The following CDC14B variants were observed in gnomAD, a reference collection of about 807,000 sequenced individuals.
CDC14B encodes the protein cell division cycle 14B, also known as dual specificity protein phosphatase CDC14B.
CDC14B carries 22 observed loss-of-function variants against 64.2 expected under a neutral mutation model. That is an observed-to-expected ratio of 0.34 (90% CI 0.24 to 0.49). The LOEUF is 0.49. Among genes scored for constraint, CDC14B ranks in the 20% least tolerant of loss-of-function variants. The pLI is 0.99. For synonymous variants in CDC14B, 191 were observed against 215.8 expected (o/e 0.89, Z 1.01); for missense variants, 498 against 629.9 (o/e 0.79, Z 2.24).
chr9:96,503,907 G>A, intron 13 of CDC14B, 118 bp from the exon 14 acceptor site: 1 of 736,924 alleles, frequency 1.4e-6, no homozygotes, highest in Non-Finnish European at 2.3e-6. Flanking sequence ...GTATACGCTT[G>A]CTGTAAGTTT....
downstream of CDC14B, among the ~76,000 whole-genome samples, chr9:96,499,910 C>T (rs1833414921): frequency 6.6e-6 from 1 of 152,216 alleles, no homozygotes; most frequent in Admixed American, 6.5e-5. Context: ...GAAACCAAGC[C>T]CGCCCACAGC....
At position 96,515,823 on chromosome 9, in the gene CDC14B, G is replaced by A. The variant is rs2131400139; in HGVS notation, c.1344-6034C>T. On this transcript the variant is annotated intron_variant, in intron 12 of 13. Transcript: ENST00000375241. The surrounding 1 kb of genome is among the most constrained non-coding windows in gnomAD (Gnocchi z 4.3). ...AAGGGGTGAAGGGGAAAGAACAGATGTTCAAATTGGGAAGCCAAAATAAAT... is the reference window on the plus strand; with the variant it reads ...AAGGGGTGAAGGGGAAAGAACAGATATTCAAATTGGGAAGCCAAAATAAAT... The A allele has an allele frequency of 5.2e-6, 8 of 1,539,414 alleles. No homozygotes were observed. Among genetic ancestry groups the A allele is most frequent in the Non-Finnish European group, 7.0e-6 (8 of 1,142,220 alleles).
intron 12 of CDC14B, chr9:96,514,270 A>G (rs1404411371): frequency 7.5e-6 from 2 of 265,356 alleles, no homozygotes; most frequent in Non-Finnish European, 1.2e-5. Context: ...CAACTGCTCC[A>G]CCCATTCAGA....
chr9:96,513,968 C>A (rs1388012532), intron 12 of CDC14B, among the ~76,000 whole-genome samples: 1 of 152,178 alleles, frequency 6.6e-6, no homozygotes, highest in Non-Finnish European at 1.5e-5. Flanking sequence ...GGAGTCACCA[C>A]CTTACAAATA....
intron 11 of CDC14B, among the ~76,000 whole-genome samples, chr9:96,522,931 TA>T (rs1180555146): frequency 6.6e-6 from 1 of 152,236 alleles, no homozygotes; most frequent in African/African-American, 2.4e-5. Flanking sequence ...TTTGATTTGT[TA>T]AAAGCTCTCT....
At chr9:96,601,326 G>A (rs778892286) in intron 1 of CDC14B, among the ~76,000 whole-genome samples, 2 of 151,762 alleles carry the variant, frequency 1.3e-5, no homozygotes, top group African/African-American at 4.8e-5. Flanking sequence ...GTGAAACTCC[G>A]TCTCTACTAA....
intron 1 of CDC14B, among the ~76,000 whole-genome samples, chr9:96,598,492 A>G (rs1227418569): frequency 2.0e-5 from 3 of 152,060 alleles, no homozygotes; most frequent in African/African-American, 7.2e-5. Flanking sequence ...GCCTGCCACT[A>G]CACCCAGCTA....
chr9:96,569,839 C>T (rs1305870897), intron 1 of CDC14B, among the ~76,000 whole-genome samples: 2 of 152,094 alleles, frequency 1.3e-5, no homozygotes, highest in East Asian at 1.9e-4. Flanking sequence ...TCCACCGCCT[C>T]GGCCTCCCAA....
chr9:96,517,142 C>CGA (rs1487637299), intron 12 of CDC14B, among the ~76,000 whole-genome samples: 1 of 149,460 alleles, frequency 6.7e-6, no homozygotes, highest in Non-Finnish European at 1.5e-5. Context: ...GAGTTCGAGA[C>CGA]CAGCCTGGCC....
chr9:96,587,132 C>T (rs1340853005), intron 1 of CDC14B, among the ~76,000 whole-genome samples: 12 of 152,072 alleles, frequency 7.9e-5, no homozygotes, highest in African/African-American at 2.7e-4. Context: ...GAGATTGCAC[C>T]ACTGCACTCT....
At chr9:96,498,082 G>A (rs1434667572), downstream of CDC14B, among the ~76,000 whole-genome samples, 3 of 152,190 alleles carry the variant, frequency 2.0e-5, no homozygotes, top group Non-Finnish European at 2.9e-5. Context: ...ACAGTAAGAC[G>A]TCAACCGGGA....
chr9:96,522,737 C>T (rs1836939190), intron 11 of CDC14B, 134 bp from the exon 12 acceptor site: 2 of 644,988 alleles, frequency 3.1e-6, no homozygotes, highest in Non-Finnish European at 5.5e-6. Context: ...CTTTCACAAT[C>T]AAGCTTCAGG....
chr9:96,596,466 A>G lies in CDC14B; in HGVS notation c.160+22753T>C, dbSNP rs577306598. 2.6e-3 allele frequency among the ~76,000 whole-genome samples: 399 copies of G among 152,216 alleles called. 2 individuals are homozygous for G. Among genetic ancestry groups the G allele is most frequent in the African/African-American group, 9.2e-3 (384 of 41,522 alleles). On this transcript the variant is annotated intron_variant, in intron 1 of 13. Coordinates refer to ENST00000375241, the MANE Select transcript of CDC14B (RefSeq NM_033331.4). ...ACTACAATTATGAGATGAAAAATAC[A>G]CTGGATAGGACTAATGGCAGATAAG...
At chr9:96,546,559 C>T (rs1840879498) in intron 5 of CDC14B, among the ~76,000 whole-genome samples, 1 of 151,898 alleles carries the variant, frequency 6.6e-6, no homozygotes, top group Non-Finnish European at 1.5e-5. Flanking sequence ...AAGTGATTCT[C>T]GTGCCTCAGC....
chr9:96,497,445 G>A (rs976295173), downstream of CDC14B, among the ~76,000 whole-genome samples: 1 of 152,238 alleles, frequency 6.6e-6, no homozygotes, highest in Non-Finnish European at 1.5e-5. Flanking sequence ...TAGGACGTAA[G>A]GGCAGGCTGC....
intron 1 of CDC14B, among the ~76,000 whole-genome samples, chr9:96,596,375 A>T (rs1300435446): frequency 6.6e-6 from 1 of 151,030 alleles, no homozygotes; most frequent in South Asian, 2.1e-4. Flanking sequence ...AAAAAAAAAA[A>T]AAAAACACAC....
intron 9 of CDC14B, among the ~76,000 whole-genome samples, chr9:96,525,494 G>C (rs1837419719): frequency 6.6e-6 from 1 of 151,536 alleles, no homozygotes; most frequent in South Asian, 2.1e-4. Context: ...TCACAGGGTA[G>C]GGCCACCTCT....
intron 1 of CDC14B, among the ~76,000 whole-genome samples, chr9:96,616,320 G>A (rs151022504): frequency 0.011 from 1,610 of 151,622 alleles, 25 homozygotes; most frequent in African/African-American, 0.036. Context: ...GCAAGACTCC[G>A]TCTCAAAAAA....
intron 1 of CDC14B, among the ~76,000 whole-genome samples, chr9:96,615,948 A>G (rs908881225): frequency 6.6e-6 from 1 of 152,196 alleles, no homozygotes; most frequent in African/African-American, 2.4e-5. Flanking sequence ...GCCATTTGCA[A>G]TAGGGACTGG....
Sources: allele counts gnomAD v4.1 joint callset (sites outside exome capture counted in the v4.1 genomes callset), GRCh38; gene constraint gnomAD v4.1.1; non-coding constraint Gnocchi (gnomAD v3.1); transcripts MANE v1.5; gene names NCBI Gene and HGNC (gene_info 2026-07-23, HGNC 2026-07-21).